USP34: variants seen among roughly 807,000 people sequenced by gnomAD.
USP34 encodes the protein ubiquitin specific peptidase 34, also known as ubiquitin carboxyl-terminal hydrolase 34.
A neutral mutation model predicts 460.3 loss-of-function variants in USP34; 70 were observed. That is an observed-to-expected ratio of 0.15 (90% CI 0.13 to 0.19). The LOEUF (loss-of-function observed/expected upper bound fraction) is 0.19, where lower values mean the gene tolerates loss of function less well. Ranked by LOEUF, USP34 falls within the 10% of genes least tolerant of loss-of-function variation. The probability of loss-of-function intolerance (pLI) is 1.00; values close to 1 mark genes in which losing one functional copy is unlikely to be tolerated. For missense variants in USP34, 3,985 were observed against 4,236.2 expected, an observed-to-expected ratio of 0.94 and a Z score of 1.65; for synonymous variants, 1,647 against 1,405.3, an observed-to-expected ratio of 1.17 and a Z score of -3.85.
rs752944776 is a variant in USP34 at position 61,188,930 on chromosome 2, G to A, written c.10013C>T (p.Ala3338Val). The change falls in exon 79 of 80, where the codon GCC becomes GTC. Residue 3338 changes from alanine (A) to valine (V), a missense_variant. Ala to Val is a moderately conservative substitution (Grantham distance 64). Transcript: ENST00000398571. The part of the protein sequence containing the change: ...QQRNSLQEQE[A>V]KERKTKDDEG... Reference sequence around the variant, plus strand: ...CTAACCTTTAGTTTTTCTTTCTTTGGCTTCTTGCTCTTGGAGTGAGTTTCT... The same window carrying A: ...CTAACCTTTAGTTTTTCTTTCTTTGACTTCTTGCTCTTGGAGTGAGTTTCT... 2 of 1,614,076 alleles carry A rather than the reference G, an allele frequency of 1.2e-6. No individual in the cohort carries two copies. The highest frequency in any genetic ancestry group is 2.2e-5 in the South Asian group (2 of 91,074).
intron 1 of USP34, among the ~76,000 whole-genome samples, chr2:61,438,350 C>T (rs776155349): frequency 1.3e-5 from 2 of 152,076 alleles, no homozygotes; most frequent in East Asian, 1.9e-4. Context: ...GGTGGCTCAA[C>T]GCCTGTAATC....
intron 2 of USP34, among the ~76,000 whole-genome samples, chr2:61,407,980 T>C (rs746089942): frequency 5.3e-5 from 8 of 152,104 alleles, no homozygotes; most frequent in Admixed American, 6.6e-5. Context: ...CCAGGCGTGG[T>C]GGTGGGCACC....
chr2:61,237,960 G>A (rs578075815), intron 53 of USP34, among the ~76,000 whole-genome samples: 11 of 151,412 alleles, frequency 7.3e-5, no homozygotes, highest in East Asian at 5.8e-4. Flanking sequence ...GCAATGGCGC[G>A]ATCTCGGCTC....
intron 41 of USP34, among the ~76,000 whole-genome samples, chr2:61,273,561 T>A (rs1212550938): frequency 1.3e-5 from 2 of 152,058 alleles, no homozygotes; most frequent in Non-Finnish European, 2.9e-5. Context: ...CTATCAAAGA[T>A]ACTAAAATTA....
chr2:61,362,714 T>C (rs569263210), intron 10 of USP34, among the ~76,000 whole-genome samples: 55 of 152,208 alleles, frequency 3.6e-4, no homozygotes, highest in Non-Finnish European at 6.8e-4. Flanking sequence ...AGATCTCATG[T>C]ACAGCAATGT....
rs774345546 is a variant in USP34, at chr2:61,395,009, A to G, written c.604-7T>C. ...GCAATGGTACTTCTACATCCTGGGA[A>G]AATAAAGAAAACATGTCATTATTTG... On this transcript the variant is annotated splice_polypyrimidine_tract_variant and splice_region_variant and intron_variant, in intron 4 of 79. Coordinates refer to ENST00000398571, the MANE Select transcript of USP34 (RefSeq NM_014709.4). The G allele has an allele frequency of 1.9e-6, 3 of 1,572,852 alleles. No homozygotes were observed. The highest frequency in any genetic ancestry group is 2.6e-6 in the Non-Finnish European group (3 of 1,167,358).
intron 51 of USP34, among the ~76,000 whole-genome samples, chr2:61,242,034 T>G (rs1688277356): frequency 6.6e-6 from 1 of 152,104 alleles, no homozygotes; most frequent in South Asian, 2.1e-4. Context: ...TTTTATTATT[T>G]TTAGATAGAG....
intron 8 of USP34, among the ~76,000 whole-genome samples, chr2:61,374,616 C>CT (rs34597935): frequency 0.5 from 74,596 of 149,016 alleles, 19,007 homozygotes; most frequent in South Asian, 0.73. Context: ...GACTTCAATA[C>CT]TTTTTTTTTT....
At chr2:61,256,568 C>G (rs1688728985) in intron 47 of USP34, 90 bp from the exon 48 acceptor site, 4 of 1,060,696 alleles carry the variant, frequency 3.8e-6, no homozygotes. Flanking sequence ...TGACAGAATG[C>G]TCAGCAAAAA....
chr2:61,432,753 A>G (rs931391978), intron 1 of USP34, among the ~76,000 whole-genome samples: 1 of 152,040 alleles, frequency 6.6e-6, no homozygotes, highest in African/African-American at 2.4e-5. Flanking sequence ...AAAACTACCC[A>G]TGAGTTGGTA....
At chr2:61,260,502 C>A (rs529521711) in intron 43 of USP34, among the ~76,000 whole-genome samples, 4 of 152,134 alleles carry the variant, frequency 2.6e-5, no homozygotes, top group Non-Finnish European at 5.9e-5. Context: ...TAAGAGTATA[C>A]ATTAGTTATT....
chr2:61,232,302 C>A, intron 58 of USP34, 150 bp downstream of exon 58: 1 of 659,362 alleles, frequency 1.5e-6, no homozygotes, highest in East Asian at 3.0e-5. Context: ...CTGGTGAAAC[C>A]AACAACAAAA....
intron 16 of USP34, among the ~76,000 whole-genome samples, chr2:61,341,861 C>T (rs540132542): frequency 2.4e-4 from 34 of 143,030 alleles, no homozygotes; most frequent in African/African-American, 8.5e-4. Context: ...CTCTCAGGTT[C>T]AAGTGATTCT....
At chr2:61,395,302 A>G (rs1444636348) in intron 3 of USP34, 69 bp from the exon 4 acceptor site, 2 of 967,570 alleles carry the variant, frequency 2.1e-6, no homozygotes, top group East Asian at 2.6e-5. Context: ...ACAATTCTAT[A>G]AAAGACTGAT....
chr2:61,293,154 C>T (rs932827395), intron 33 of USP34, among the ~76,000 whole-genome samples: 1 of 151,578 alleles, frequency 6.6e-6, no homozygotes, highest in African/African-American at 2.4e-5. Flanking sequence ...AGATGTAAAC[C>T]AAATTTTTAA....
intron 1 of USP34, among the ~76,000 whole-genome samples, chr2:61,452,595 C>A (rs1695316636): frequency 6.6e-6 from 1 of 151,742 alleles, no homozygotes; most frequent in Non-Finnish European, 1.5e-5. Context: ...AAAGTGCTGG[C>A]ATTACAGGCG....
rs538743144 is a variant in USP34, at chr2:61,190,365, G to C, written c.9779C>G (p.Thr3260Ser). 1 of 1,613,462 alleles carries C rather than the reference G, an allele frequency of 6.2e-7. No homozygotes were observed. The highest frequency in any genetic ancestry group is 1.3e-5 in the African/African-American group (1 of 75,000). ...SEANCANLISTLITNLISQYQ... is the reference protein window; with the variant it reads ...SEANCANLISSLITNLISQYQ... ...CTGGCTTATCAAGTTTGTAATAAGA[G>C]TGCTGATCAAATTGGCACAGTTTGC... is the stretch of plus-strand genomic sequence containing the variant. The change falls in exon 78 of 80, where the codon ACT becomes AGT. Residue 3260 changes from threonine to serine, a missense_variant. This residue lies in a region of USP34 where 506 missense variants were observed against 439.0 expected (regional missense o/e 1.15). Coordinates refer to ENST00000398571, the MANE Select transcript of USP34 (RefSeq NM_014709.4).
In USP34 at chr2:61,376,408, T is replaced by C. The variant is rs114415786; in HGVS notation, c.1076+1955A>G. 3.4e-3 allele frequency among the ~76,000 whole-genome samples: 520 copies of C among 152,352 alleles called. 2 individuals carry two copies. Among genetic ancestry groups the C allele is most frequent in the African/African-American group, 0.011 (448 of 41,576 alleles). ...ACATGTCTTTGGGATGTATATTCCT[T>C]GCATTTGTTATTGGAATTCCTTCTT... On this transcript the variant is annotated intron_variant, in intron 8 of 79. Coordinates refer to ENST00000398571, the MANE Select transcript of USP34 (RefSeq NM_014709.4).
intron 50 of USP34, among the ~76,000 whole-genome samples, chr2:61,245,848 T>C (rs1022798474): frequency 6.6e-6 from 1 of 152,150 alleles, no homozygotes; most frequent in African/African-American, 2.4e-5. Flanking sequence ...AGACCCTACC[T>C]AACAATATCT....
Sources: gnomAD v4.1 joint callset for allele counts (sites outside exome capture counted in the v4.1 genomes callset) on GRCh38, gnomAD v4.1.1 for gene constraint, gnomAD v4.1.1 regional missense constraint, MANE v1.5 for transcripts, NCBI Gene and HGNC (gene_info 2026-07-23, HGNC 2026-07-21) for gene names.